CERS6: variants seen among roughly 807,000 people sequenced by gnomAD.
CERS6 encodes the protein LAG1 homolog, ceramide synthase 6.
Under a neutral mutation model 56.8 loss-of-function variants are expected in CERS6, and 26 were observed. That is an observed-to-expected ratio of 0.46 (90% CI 0.34 to 0.63). CERS6 has a LOEUF of 0.63. Ranked by LOEUF, CERS6 falls within the 30% of genes least tolerant of loss-of-function variation. The pLI is 0.01. For synonymous variants in CERS6, 164 were observed against 173.3 expected (o/e 0.95, Z 0.42); for missense variants, 415 against 467.5 (o/e 0.89, Z 1.04).
At chr2:168,651,616 A>C (rs1032171808) in intron 4 of CERS6, among the ~76,000 whole-genome samples, 1 of 152,186 alleles carries the variant, frequency 6.6e-6, no homozygotes, top group African/African-American at 2.4e-5. Context: ...GGTGCAGGAG[A>C]GGTGTCAGGG....
intron 4 of CERS6, among the ~76,000 whole-genome samples, chr2:168,660,286 C>T (rs1474092054): frequency 6.6e-6 from 1 of 152,186 alleles, no homozygotes; most frequent in African/African-American, 2.4e-5. Context: ...TCTGCCCTTC[C>T]CACCTCTCCA....
chr2:168,601,284 C>T (rs769270280), intron 3 of CERS6, among the ~76,000 whole-genome samples: 1 of 152,168 alleles, frequency 6.6e-6, no homozygotes, highest in African/African-American at 2.4e-5. Context: ...AATTTTGAAC[C>T]TATCCCTGTA....
At chr2:168,636,534 G>A (rs1478942959) in intron 4 of CERS6, among the ~76,000 whole-genome samples, 1 of 152,080 alleles carries the variant, frequency 6.6e-6, no homozygotes, top group African/African-American at 2.4e-5. Flanking sequence ...TCTCTGCTGG[G>A]AATTATTTGT....
At chr2:168,585,028 AG>A (rs1314341711) in intron 3 of CERS6, among the ~76,000 whole-genome samples, 1 of 152,258 alleles carries the variant, frequency 6.6e-6, no homozygotes, top group African/African-American at 2.4e-5. Context: ...TTTAACAAAA[AG>A]AAATGCCAAC....
rs561230115 is a variant in CERS6, at chr2:168,721,411, TA to T, written c.845+3435del. Among the ~76,000 whole-genome samples, 74 of 152,170 alleles carry T rather than the reference TA, an allele frequency of 4.9e-4. No individual in the cohort carries two copies. The East Asian group carries it at 0.013, about 26-fold the overall frequency. Reference sequence around the variant, plus strand: ...TGGCTATTATGAATAATGCTGCTATTAATGTTTGTATACAAGCTGTTGTGTG... The same window carrying T: ...TGGCTATTATGAATAATGCTGCTATTATGTTTGTATACAAGCTGTTGTGTG... On this transcript the variant is annotated intron_variant, in intron 8 of 9. Transcript: ENST00000305747.
intron 1 of CERS6, among the ~76,000 whole-genome samples, chr2:168,481,647 G>A (rs796143288): frequency 1.8e-4 from 28 of 152,270 alleles, no homozygotes; most frequent in African/African-American, 6.7e-4. Flanking sequence ...ATATCATAAA[G>A]CTCTTCAATG....
intron 3 of CERS6, among the ~76,000 whole-genome samples, chr2:168,571,155 G>A (rs911947479): frequency 6.6e-5 from 10 of 152,028 alleles, no homozygotes; most frequent in African/African-American, 1.9e-4. Context: ...TGGGAATCCC[G>A]TCTGGCTTGC....
intron 4 of CERS6, among the ~76,000 whole-genome samples, chr2:168,656,584 C>T (rs148812835): frequency 0.025 from 3,830 of 151,840 alleles, 146 homozygotes; most frequent in African/African-American, 0.078. Context: ...TCTTTCCTCC[C>T]GGTGGGCTCG....
At chr2:168,615,532 A>G (rs529934958) in intron 3 of CERS6, among the ~76,000 whole-genome samples, 2 of 152,290 alleles carry the variant, frequency 1.3e-5, no homozygotes, top group South Asian at 4.1e-4. Flanking sequence ...AATACAATAA[A>G]AACTTTAGGA....
At chr2:168,763,211 C>G (rs1684628296) in intron 8 of CERS6, among the ~76,000 whole-genome samples, 1 of 148,370 alleles carries the variant, frequency 6.7e-6, no homozygotes, top group South Asian at 2.2e-4. Flanking sequence ...CTTATTCCAG[C>G]TGCAATAATT....
At chr2:168,630,677 T>C (rs745422031) in intron 3 of CERS6, among the ~76,000 whole-genome samples, 3 of 152,166 alleles carry the variant, frequency 2.0e-5, no homozygotes, top group African/African-American at 7.2e-5. Flanking sequence ...CCAAATCATA[T>C]CCCTTCATGA....
At chr2:168,538,787 AGATAATTGTGC>A (rs1260687238) in intron 1 of CERS6, among the ~76,000 whole-genome samples, 5 of 152,218 alleles carry the variant, frequency 3.3e-5, no homozygotes, top group African/African-American at 7.2e-5. Flanking sequence ...TTCCCTCTGC[AGATAATTGTGC>A]GTGAAAATCT....
At chr2:168,527,902 G>A (rs775918082) in intron 1 of CERS6, among the ~76,000 whole-genome samples, 21 of 151,992 alleles carry the variant, frequency 1.4e-4, no homozygotes, top group African/African-American at 3.4e-4. Context: ...TGCATTTTTT[G>A]TAGAGATGGG....
chr2:168,569,905 T>C (rs998488119), intron 3 of CERS6, among the ~76,000 whole-genome samples: 3 of 152,194 alleles, frequency 2.0e-5, no homozygotes, highest in Non-Finnish European at 4.4e-5. Context: ...ATAAAGTGTT[T>C]AGAAAGATGT....
chr2:168,629,201 A>G (rs953149038), intron 3 of CERS6, among the ~76,000 whole-genome samples: 40 of 152,250 alleles, frequency 2.6e-4, no homozygotes, highest in African/African-American at 9.4e-4. Context: ...AGATACATAA[A>G]TGATGGTAGG....
chr2:168,534,485 T>A (rs1695223534), intron 1 of CERS6, among the ~76,000 whole-genome samples: 1 of 152,000 alleles, frequency 6.6e-6, no homozygotes, highest in South Asian at 2.1e-4. Flanking sequence ...GTCCATTTTC[T>A]GCAGGGCTGC....
intron 3 of CERS6, among the ~76,000 whole-genome samples, chr2:168,584,423 A>T (rs191057665): frequency 5.3e-5 from 8 of 152,226 alleles, no homozygotes; most frequent in East Asian, 3.9e-4. Context: ...AATATGTGTG[A>T]GAGAGAGAAA....
At chr2:168,481,321 A>G (rs912698728) in intron 1 of CERS6, among the ~76,000 whole-genome samples, 2 of 152,184 alleles carry the variant, frequency 1.3e-5, no homozygotes, top group African/African-American at 4.8e-5. Flanking sequence ...AGGCTGAGGC[A>G]GGAGAATGAT....
At chr2:168,518,127 A>C (rs1418949444) in intron 1 of CERS6, among the ~76,000 whole-genome samples, 1 of 152,192 alleles carries the variant, frequency 6.6e-6, no homozygotes, top group Non-Finnish European at 1.5e-5. Context: ...TTCATTGGGA[A>C]TCTAGTTTAG....
Sources: allele counts gnomAD v4.1 joint callset (sites outside exome capture counted in the v4.1 genomes callset), GRCh38; gene constraint gnomAD v4.1.1; transcripts MANE v1.5; gene names NCBI Gene and HGNC (gene_info 2026-07-23, HGNC 2026-07-21).